Variants in KHDRBS3 observed in about 807,000 individuals in gnomAD.
KHDRBS3 encodes the protein KH domain-containing, RNA-binding, signal transduction-associated protein 3.
In KHDRBS3, 23 loss-of-function variants were observed where a neutral mutation model predicts 45.6. The observed-to-expected ratio is 0.50, with a 90% CI of 0.36 to 0.72. The LOEUF (loss-of-function observed/expected upper bound fraction) is 0.72, where lower values mean the gene tolerates loss of function less well. KHDRBS3 is among the 30% of genes least tolerant of loss of function. The probability of loss-of-function intolerance (pLI) is 0.00; values close to 1 mark genes in which losing one functional copy is unlikely to be tolerated. For missense variants in KHDRBS3, 352 were observed against 424.8 expected, an observed-to-expected ratio of 0.83 and a Z score of 1.51; for synonymous variants, 162 against 156.5, an observed-to-expected ratio of 1.04 and a Z score of -0.26.
At chr8:135,612,879 T>C (rs1167525988) in intron 7 of KHDRBS3, among the ~76,000 whole-genome samples, 1 of 151,856 alleles carries the variant, frequency 6.6e-6, no homozygotes, top group Non-Finnish European at 1.5e-5. Context: ...CCAGAGACTT[T>C]GTATGAAAAA....
chr8:135,462,657 C>G (rs1821490039), intron 1 of KHDRBS3, among the ~76,000 whole-genome samples: 1 of 152,152 alleles, frequency 6.6e-6, no homozygotes, highest in Non-Finnish European at 1.5e-5. Flanking sequence ...ATACTGGTAA[C>G]AGCTCAGAGA....
At chr8:135,498,705 CTT>C (rs201419255) in intron 1 of KHDRBS3, among the ~76,000 whole-genome samples, 3 of 150,456 alleles carry the variant, frequency 2.0e-5, no homozygotes, top group African/African-American at 7.3e-5. Context: ...GTTTTTTCTT[CTT>C]TTTTTTAAAA....
At chr8:135,554,472 T>C (rs761885890) in intron 4 of KHDRBS3, among the ~76,000 whole-genome samples, 17 of 152,186 alleles carry the variant, frequency 1.1e-4, no homozygotes, top group South Asian at 4.1e-4. Flanking sequence ...ACATTTTCAG[T>C]AAAATGGCTG....
chr8:135,564,968 G>A (rs1355964150), intron 5 of KHDRBS3, among the ~76,000 whole-genome samples: 1 of 152,144 alleles, frequency 6.6e-6, no homozygotes, highest in Non-Finnish European at 1.5e-5. Context: ...CGTTCTAAAT[G>A]TTAAAATTTA....
chr8:135,489,882 AC>A (rs1451676889), intron 1 of KHDRBS3, among the ~76,000 whole-genome samples: 1 of 152,058 alleles, frequency 6.6e-6, no homozygotes, highest in African/African-American at 2.4e-5. Flanking sequence ...ACACTCACTC[AC>A]TCTTCAGAGC....
chr8:135,516,185 A>G (rs1824589865), intron 1 of KHDRBS3, among the ~76,000 whole-genome samples: 1 of 152,256 alleles, frequency 6.6e-6, no homozygotes, highest in Non-Finnish European at 1.5e-5. Flanking sequence ...AAGCACAATA[A>G]AAATACAGTG....
At chr8:135,615,380 C>T (rs1161948133) in intron 7 of KHDRBS3, among the ~76,000 whole-genome samples, 3 of 152,134 alleles carry the variant, frequency 2.0e-5, no homozygotes, top group Admixed American at 2.0e-4. Flanking sequence ...CACACACACA[C>T]ACAACCACCC....
chr8:135,540,299 T>G (rs1825980900), intron 2 of KHDRBS3: 1 of 152,110 alleles, frequency 6.6e-6, no homozygotes, highest in African/African-American at 2.4e-5. Context: ...CAGGGAAGAA[T>G]TCAACCAGAA....
At chr8:135,496,276 A>G (rs1823443967) in intron 1 of KHDRBS3, among the ~76,000 whole-genome samples, 1 of 151,740 alleles carries the variant, frequency 6.6e-6, no homozygotes, top group African/African-American at 2.4e-5. Flanking sequence ...TCTGATGCCC[A>G]GGCTGGAGTG....
chr8:135,602,821 C>A (rs139215443), intron 6 of KHDRBS3, among the ~76,000 whole-genome samples: 2 of 152,234 alleles, frequency 1.3e-5, no homozygotes, highest in Non-Finnish European at 2.9e-5. Flanking sequence ...ATGATGTCAT[C>A]CAAATTTAAA....
At chr8:135,583,071 C>A (rs994701938) in intron 6 of KHDRBS3, among the ~76,000 whole-genome samples, 1 of 152,180 alleles carries the variant, frequency 6.6e-6, no homozygotes, top group Non-Finnish European at 1.5e-5. Flanking sequence ...ATTTGACTGT[C>A]TCCTTGTGTC....
intron 7 of KHDRBS3, among the ~76,000 whole-genome samples, chr8:135,614,214 T>C (rs1586806555): frequency 6.6e-6 from 1 of 151,808 alleles, no homozygotes; most frequent in South Asian, 2.1e-4. Flanking sequence ...ACACATTGGC[T>C]CAAAAATAGA....
intron 4 of KHDRBS3, among the ~76,000 whole-genome samples, chr8:135,552,356 C>T (rs1250924399): frequency 6.6e-6 from 1 of 152,040 alleles, no homozygotes; most frequent in Non-Finnish European, 1.5e-5. Context: ...ATGGACTAGT[C>T]TTCAAGTTAA....
At chr8:135,497,306 T>A (rs1823503675) in intron 1 of KHDRBS3, among the ~76,000 whole-genome samples, 1 of 152,156 alleles carries the variant, frequency 6.6e-6, no homozygotes, top group African/African-American at 2.4e-5. Flanking sequence ...TCGGAAATGC[T>A]CCGGCAGTCC....
intron 1 of KHDRBS3, among the ~76,000 whole-genome samples, chr8:135,485,809 A>G (rs536396563): frequency 3.1e-4 from 44 of 143,818 alleles, no homozygotes; most frequent in Non-Finnish European, 6.3e-4. Flanking sequence ...TAGTAACACT[A>G]TGAGGTATGC....
rs753297693 is a variant in KHDRBS3, at chr8:135,598,650, T to TA, written c.808-8304dup. On this transcript the variant is annotated intron_variant, in intron 6 of 8. Coordinates refer to ENST00000355849, the MANE Select transcript of KHDRBS3 (RefSeq NM_006558.3). ...GAATCATTGTTAATATGGTAATTTT[T>TA]ATCTTTAGTTGGCTTTGTGATATGC... 1.1e-3 allele frequency among the ~76,000 whole-genome samples: 172 copies of TA among 152,358 alleles called. No homozygotes were observed. The Middle Eastern group carries it at 0.027, about 24-fold the overall frequency.
In KHDRBS3 at chr8:135,548,764, T is replaced by C; in HGVS notation, c.335T>C (p.Leu112Ser). ...SMRDKAKEEE[L>S]RKSGEAKYFH... ...TTTTCCTTTTTCCAGGAAGAAGAGT[T>C]GAGGAAAAGTGGAGAAGCGAAGTAC... The change falls in exon 4 of 9, where the codon TTG becomes TCG. Residue 112 changes from leucine (L) to serine (S), a missense_variant. Leu to Ser is a moderately radical substitution (Grantham distance 145). Around this residue, in one of 6 missense-constraint regions of KHDRBS3, gnomAD observed 46 missense variants for 45.9 expected, o/e 1.00. Transcript: ENST00000355849. 6.5e-7 allele frequency: 1 copy of C among 1,540,092 alleles called. No individual in the cohort carries two copies. The highest frequency in any genetic ancestry group is 8.7e-7 in the Non-Finnish European group (1 of 1,145,114).
chr8:135,461,094 C>T (rs1331984185), intron 1 of KHDRBS3, among the ~76,000 whole-genome samples: 4 of 151,928 alleles, frequency 2.6e-5, no homozygotes, highest in South Asian at 4.2e-4. Context: ...ATTTGTTTCC[C>T]GAATATTTAT....
chr8:135,612,359 A>T (rs1356935724), intron 7 of KHDRBS3, among the ~76,000 whole-genome samples: 1 of 151,942 alleles, frequency 6.6e-6, no homozygotes, highest in East Asian at 1.9e-4. Flanking sequence ...ACCTTAAGCA[A>T]ATAGGGAATT....
Sources: allele counts gnomAD v4.1 joint callset (sites outside exome capture counted in the v4.1 genomes callset), GRCh38; gene constraint gnomAD v4.1.1; regional missense constraint gnomAD v4.1.1; transcripts MANE v1.5; gene names NCBI Gene and HGNC (gene_info 2026-07-23, HGNC 2026-07-21).